The following MBD5 variants were observed in gnomAD, a reference collection of about 807,000 sequenced individuals.
MBD5 encodes methyl-CpG binding domain protein 5, also known as methyl-CpG-binding domain protein 5.
MBD5 carries 13 observed loss-of-function variants against 117.3 expected under a neutral mutation model. The observed-to-expected ratio is 0.11, with a 90% CI of 0.07 to 0.18. The LOEUF (loss-of-function observed/expected upper bound fraction) is 0.18. Ranked by LOEUF, MBD5 falls within the 10% of genes least tolerant of loss-of-function variation. The pLI, the probability that MBD5 is intolerant of heterozygous loss-of-function variation, is 1.00. For synonymous variants in MBD5, 727 were observed against 766.4 expected, an observed-to-expected ratio of 0.95 and a Z score of 0.85; for missense variants, 1,879 against 2,093.8, an observed-to-expected ratio of 0.90 and a Z score of 2.00.
rs1411303556 is a variant in MBD5 at position 148,468,803 on chromosome 2, C to T, written c.860C>T (p.Ser287Leu). ...ATGCTACATGGTTCTCCTGTACAGT[C>T]ATCCTGTGCAATGGCTGGAAGGACT... ...SVMLHGSPVQ[S>L]SCAMAGRTNI... Residue 287 changes from serine (S) to leucine (L), a missense_variant, in exon 8 of 14, where the codon TCA becomes TTA. Physicochemically the swap from Ser to Leu is moderately radical, Grantham distance 145 (BLOSUM62 -2). Coordinates refer to ENST00000642680, the MANE Select transcript of MBD5 (RefSeq NM_001378120.1). 4 of 1,613,522 alleles carry T rather than the reference C, an allele frequency of 2.5e-6. No homozygotes were observed. Among genetic ancestry groups the T allele is most frequent in the East Asian group, 4.5e-5 (2 of 44,860 alleles).
At chr2:148,476,189 C>A (rs191213147) in intron 8 of MBD5, among the ~76,000 whole-genome samples, 3 of 136,858 alleles carry the variant, frequency 2.2e-5, no homozygotes, top group African/African-American at 7.7e-5. Flanking sequence ...CACAGGGACC[C>A]CTTTCTCAAT....
intron 4 of MBD5, among the ~76,000 whole-genome samples, chr2:148,400,052 T>G (rs1704869106): frequency 6.6e-6 from 1 of 152,182 alleles, no homozygotes; most frequent in African/African-American, 2.4e-5. Context: ...TGGATTTGGT[T>G]TGCCAGTATT....
chr2:148,140,771 T>C (rs972953636), intron 1 of MBD5, among the ~76,000 whole-genome samples: 6 of 152,100 alleles, frequency 3.9e-5, no homozygotes, highest in African/African-American at 1.4e-4. Context: ...GTTCTTTTTT[T>C]TTTTTCCCGA....
chr2:148,058,588 T>C lies in MBD5; in HGVS notation c.-925+36904T>C, dbSNP rs142476667. On this transcript the variant is annotated intron_variant, in intron 1 of 13. Transcript: ENST00000642680. ...AGGCTCTTAGTTGTTTACTACTTAATATTCTCCACTGTCATTTCTCTTTAA... is the reference window on the plus strand; with the variant it reads ...AGGCTCTTAGTTGTTTACTACTTAACATTCTCCACTGTCATTTCTCTTTAA... 3.4e-3 allele frequency among the ~76,000 whole-genome samples: 513 copies of C among 152,202 alleles called. 5 individuals are homozygous for C. The highest frequency in any genetic ancestry group is 6.5e-4 in the Non-Finnish European group (44 of 67,934).
chr2:148,191,906 T>TA (rs1446248848), intron 2 of MBD5, among the ~76,000 whole-genome samples: 8 of 89,550 alleles, frequency 8.9e-5, no homozygotes, highest in African/African-American at 2.8e-4. Flanking sequence ...ATAGACACAA[T>TA]AAAAAATGAT....
chr2:148,220,161 A>G (rs776228361), intron 2 of MBD5: 12 of 152,144 alleles, frequency 7.9e-5, no homozygotes, highest in Admixed American at 2.6e-4. Flanking sequence ...AATACTGTTT[A>G]TCATATTTTT....
intron 4 of MBD5, among the ~76,000 whole-genome samples, chr2:148,378,357 T>G (rs1704047246): frequency 6.6e-6 from 1 of 152,162 alleles, no homozygotes; most frequent in Non-Finnish European, 1.5e-5. Context: ...GCTAACCTGC[T>G]TTAAGAGTTT....
chr2:148,159,705 T>C (rs1697960901), intron 1 of MBD5, among the ~76,000 whole-genome samples: 1 of 152,188 alleles, frequency 6.6e-6, no homozygotes, highest in Non-Finnish European at 1.5e-5. Flanking sequence ...GGCAAATAAC[T>C]CAAAACTCAT....
intron 4 of MBD5, among the ~76,000 whole-genome samples, chr2:148,454,328 A>T (rs866759843): frequency 5.9e-5 from 9 of 152,146 alleles, no homozygotes; most frequent in African/African-American, 1.9e-4. Context: ...ATACCAATAG[A>T]TGAATAGTTG....
intron 1 of MBD5, among the ~76,000 whole-genome samples, chr2:148,160,468 T>G (rs1439752744): frequency 1.3e-5 from 2 of 152,158 alleles, no homozygotes; most frequent in Admixed American, 6.5e-5. Flanking sequence ...GAAATGTACC[T>G]GGATATTACA....
chr2:148,513,035 A>G lies in MBD5; in HGVS notation c.*94A>G. On this transcript the variant is annotated 3_prime_UTR_variant, in exon 14 of 14. Coordinates refer to ENST00000642680, the MANE Select transcript of MBD5 (RefSeq NM_001378120.1). ...TTGATATAGCCACAGTTATATCAAT[A>G]TTTAGACTATGGCAGATAGCTACCA... The G allele has an allele frequency of 8.2e-7, 1 of 1,226,400 alleles. No homozygotes were observed. Among genetic ancestry groups the G allele is most frequent in the Non-Finnish European group, 1.2e-6 (1 of 835,122 alleles). 76.0% of individuals were successfully genotyped at this position (1,226,400 alleles called of 1,614,324 possible).
intron 4 of MBD5, among the ~76,000 whole-genome samples, chr2:148,354,151 A>G (rs1471170851): frequency 6.6e-6 from 1 of 152,108 alleles, no homozygotes; most frequent in Non-Finnish European, 1.5e-5. Context: ...ACATGCAGAT[A>G]TGCTACATAG....
At chr2:148,376,267 C>G (rs1184951356) in intron 4 of MBD5, among the ~76,000 whole-genome samples, 5 of 104,700 alleles carry the variant, frequency 4.8e-5, no homozygotes, top group African/African-American at 2.3e-4. Context: ...TTTTTCTTTT[C>G]TTTTCTTTTT....
chr2:148,502,067 T>C (rs1404032311), intron 11 of MBD5, among the ~76,000 whole-genome samples: 2 of 152,224 alleles, frequency 1.3e-5, no homozygotes, highest in Admixed American at 1.3e-4. Flanking sequence ...TGTCTTCCCC[T>C]GATACTTATA....
chr2:148,304,834 G>A (rs1701852760), intron 3 of MBD5, among the ~76,000 whole-genome samples: 1 of 152,056 alleles, frequency 6.6e-6, no homozygotes, highest in Non-Finnish European at 1.5e-5. Flanking sequence ...AGGCCGAGGC[G>A]GGCGGATCAC....
intron 1 of MBD5, among the ~76,000 whole-genome samples, chr2:148,140,750 T>C (rs1697293564): frequency 6.6e-6 from 1 of 152,062 alleles, no homozygotes; most frequent in African/African-American, 2.4e-5. Context: ...AACTTTATTG[T>C]TGGTAATGCT....
chr2:148,324,891 G>A (rs1448351253), intron 3 of MBD5, among the ~76,000 whole-genome samples: 3 of 152,138 alleles, frequency 2.0e-5, no homozygotes, highest in Non-Finnish European at 4.4e-5. Flanking sequence ...AGTGGTGAGA[G>A]AGGGAATCCC....
At chr2:148,144,005 C>A (rs555772756) in intron 1 of MBD5, among the ~76,000 whole-genome samples, 1 of 152,136 alleles carries the variant, frequency 6.6e-6, no homozygotes, top group Non-Finnish European at 1.5e-5. Flanking sequence ...ATTTCTAGTT[C>A]TAGATCCTTG....
chr2:148,214,503 A>G (rs1699504523), intron 2 of MBD5, among the ~76,000 whole-genome samples: 1 of 152,196 alleles, frequency 6.6e-6, no homozygotes, highest in South Asian at 2.1e-4. Context: ...GGTTCAATTC[A>G]TTGGTTGGAA....
Sources: allele counts gnomAD v4.1 joint callset (sites outside exome capture counted in the v4.1 genomes callset), GRCh38; gene constraint gnomAD v4.1.1; transcripts MANE v1.5; gene names NCBI Gene and HGNC (gene_info 2026-07-23, HGNC 2026-07-21).